PHIP: variants seen among roughly 807,000 people sequenced by gnomAD.
PHIP encodes PHIP subunit of CUL4-Ring ligase complex, also known as PH-interacting protein.
PHIP carries 54 observed loss-of-function variants against 236.8 expected under a neutral mutation model. That is an observed-to-expected ratio of 0.23 (90% CI 0.18 to 0.29). The LOEUF (loss-of-function observed/expected upper bound fraction) is 0.29, where lower values mean the gene tolerates loss of function less well. Ranked by LOEUF, PHIP falls within the 10% of genes least tolerant of loss-of-function variation. The pLI is 1.00. For missense variants in PHIP, 1,370 were observed against 2,190.8 expected (o/e 0.63, Z 7.48); for synonymous variants, 756 against 718.9 (o/e 1.05, Z -0.83).
chr6:78,999,511 C>T (rs1056467640), intron 17 of PHIP, among the ~76,000 whole-genome samples: 3 of 152,104 alleles, frequency 2.0e-5, no homozygotes, highest in Non-Finnish European at 4.4e-5. Flanking sequence ...TGAACTGTCT[C>T]ACTTACCTTA....
chr6:79,031,087 G>GC (rs1041209655), intron 7 of PHIP, among the ~76,000 whole-genome samples: 5 of 152,146 alleles, frequency 3.3e-5, no homozygotes, highest in Middle Eastern at 3.4e-3. Context: ...GGAATTACAG[G>GC]CGTCCGCCAC....
chr6:79,019,737 T>G (rs1340099099), intron 9 of PHIP, among the ~76,000 whole-genome samples: 1 of 152,072 alleles, frequency 6.6e-6, no homozygotes, highest in Non-Finnish European at 1.5e-5. Context: ...CAATGAATGC[T>G]CATTCAAAAT....
chr6:78,945,599 T>C, intron 38 of PHIP, 102 bp from the exon 39 acceptor site: 3 of 732,052 alleles, frequency 4.1e-6, no homozygotes, highest in Non-Finnish European at 6.9e-6. Flanking sequence ...CAACAAAACC[T>C]GAAGGATGCT....
At chr6:78,973,144 T>A (rs971879861) in intron 24 of PHIP, among the ~76,000 whole-genome samples, 2 of 151,988 alleles carry the variant, frequency 1.3e-5, no homozygotes, top group African/African-American at 4.8e-5. Context: ...CGGGTTACGC[T>A]CAAAGGGAAG....
At chr6:78,975,344 C>T (rs903215769) in intron 24 of PHIP, among the ~76,000 whole-genome samples, 5 of 152,192 alleles carry the variant, frequency 3.3e-5, no homozygotes, top group African/African-American at 1.2e-4. Context: ...TAAAAACTCT[C>T]AATAAATTAG....
intron 28 of PHIP, 26 bp from the exon 29 acceptor site, chr6:78,965,790 TA>T: frequency 7.5e-7 from 1 of 1,329,940 alleles, no homozygotes; most frequent in Non-Finnish European, 1.1e-6. Flanking sequence ...ATCATTATAT[TA>T]AAAAATCTAA....
At chr6:79,017,297 CTTTA>C in intron 12 of PHIP, 45 bp downstream of exon 12, 4 of 1,119,434 alleles carry the variant, frequency 3.6e-6, no homozygotes, top group Non-Finnish European at 5.1e-6. Context: ...CTAAAATTGT[CTTTA>C]TTTCATAATT....
At chr6:78,978,293 T>C (rs1370750327) in intron 24 of PHIP, among the ~76,000 whole-genome samples, 1 of 152,042 alleles carries the variant, frequency 6.6e-6, no homozygotes, top group Non-Finnish European at 1.5e-5. Flanking sequence ...GATAAATGAA[T>C]ATATTTTAAT....
intron 33 of PHIP, 137 bp downstream of exon 33, chr6:78,955,476 C>A: frequency 1.8e-6 from 1 of 547,656 alleles, no homozygotes; most frequent in South Asian, 3.2e-5. Context: ...ATTCTACTGC[C>A]AGTTGTTTTT....
chr6:79,017,262 T>C, intron 12 of PHIP, 84 bp downstream of exon 12: 1 of 818,144 alleles, frequency 1.2e-6, no homozygotes, highest in Non-Finnish European at 1.9e-6. Context: ...TTATTTCCTA[T>C]ACAGCTTCAA....
At chr6:79,043,093 C>T in intron 6 of PHIP, 90 bp from the exon 7 acceptor site, 3 of 1,012,758 alleles carry the variant, frequency 3.0e-6, no homozygotes, top group Non-Finnish European at 4.5e-6. Context: ...TCCAATTTGT[C>T]ATGTGCAGGT....
chr6:78,953,418 G>A (rs771577733), intron 35 of PHIP, among the ~76,000 whole-genome samples: 18 of 151,972 alleles, frequency 1.2e-4, no homozygotes, highest in African/African-American at 3.6e-4. Flanking sequence ...GAATACAAAC[G>A]CTTAAAACAA....
chr6:78,941,138 A>G lies in PHIP; in HGVS notation c.5021T>C (p.Leu1674Ser). 6.2e-7 allele frequency: 1 copy of G among 1,614,044 alleles called. No individual in the cohort carries two copies. The highest frequency in any genetic ancestry group is 2.2e-5 in the East Asian group (1 of 44,856). The change falls in exon 40 of 40, where the codon TTA (leucine) becomes TCA (serine). Residue 1674 changes from leucine (L) to serine (S), a missense_variant. Physicochemically the swap from Leu to Ser is moderately radical, Grantham distance 145. This residue lies in a region of PHIP where 309 missense variants were observed against 328.3 expected (regional missense o/e 0.94). Transcript: ENST00000275034. ...KKLQYAKPED[L>S]EQNNVHPIRD... is the part of the protein sequence containing the mutation. Reference sequence around the variant, plus strand: ...GATGGGATGCACATTATTTTGCTCTAAATCTTCTGGCTTTGCATACTGTAG... The same window carrying G: ...GATGGGATGCACATTATTTTGCTCTGAATCTTCTGGCTTTGCATACTGTAG...
intron 26 of PHIP, 57 bp downstream of exon 26, chr6:78,969,992 T>C: frequency 6.3e-7 from 1 of 1,598,728 alleles, no homozygotes; most frequent in Non-Finnish European, 8.5e-7. Flanking sequence ...TGTATCTGAA[T>C]CTTGAAAAAC....
Position 78,990,958 on chromosome 6 carries a change from C to T in PHIP, c.2229G>A (p.Lys743=). 4 of 1,609,848 alleles carry T rather than the reference C, an allele frequency of 2.5e-6. No individual in the cohort carries two copies. Among genetic ancestry groups the T allele is most frequent in the Non-Finnish European group, 3.4e-6 (4 of 1,177,006 alleles). ...ASRQEEWRTA[K]GEEEIKTYRS... ...TGTAAGTCTTTATTTCTTCTTCTCCCTTTGCAGTTCTCCATTCTTCTTGCC... is the reference window on the plus strand; with the variant it reads ...TGTAAGTCTTTATTTCTTCTTCTCCTTTTGCAGTTCTCCATTCTTCTTGCC... The change falls in exon 20 of 40, where the codon AAG becomes AAA. Residue 743 remains lysine, a synonymous_variant. Transcript: ENST00000275034.
chr6:79,072,641 A>G (rs956182743), intron 4 of PHIP, among the ~76,000 whole-genome samples: 8 of 150,456 alleles, frequency 5.3e-5, no homozygotes, highest in Non-Finnish European at 1.2e-4. Flanking sequence ...GCGCCACTAC[A>G]CCTGGCTAAT....
chr6:79,016,970 G>A (rs1232586963), intron 12 of PHIP, among the ~76,000 whole-genome samples: 1 of 151,898 alleles, frequency 6.6e-6, no homozygotes. Flanking sequence ...ATTAGAAGTA[G>A]CTTTATTTCC....
chr6:78,942,064 A>G (rs1270009135), intron 39 of PHIP, among the ~76,000 whole-genome samples: 4 of 152,198 alleles, frequency 2.6e-5, no homozygotes, highest in Admixed American at 2.6e-4. Flanking sequence ...TTTTTATTTG[A>G]TATGGTAGGT....
chr6:78,948,819 A>G (rs907212481), intron 35 of PHIP, among the ~76,000 whole-genome samples: 1 of 152,166 alleles, frequency 6.6e-6, no homozygotes, highest in East Asian at 1.9e-4. Context: ...GTCCCTCAGT[A>G]TGCGACTATA....
Sources: allele counts gnomAD v4.1 joint callset (sites outside exome capture counted in the v4.1 genomes callset), GRCh38; gene constraint gnomAD v4.1.1; regional missense constraint gnomAD v4.1.1; transcripts MANE v1.5; gene names NCBI Gene and HGNC (gene_info 2026-07-23, HGNC 2026-07-21).